Variants in PALS2 observed in about 807,000 individuals in gnomAD.
The protein encoded by PALS2 is protein PALS2.
PALS2 carries 27 observed loss-of-function variants against 61.6 expected under a neutral mutation model. The observed-to-expected ratio is 0.44, with a 90% CI of 0.32 to 0.60. The LOEUF (loss-of-function observed/expected upper bound fraction) is 0.60. Ranked by LOEUF, PALS2 falls within the 20% of genes least tolerant of loss-of-function variation. The pLI, the probability that PALS2 is intolerant of heterozygous loss-of-function variation, is 0.05. For synonymous variants in PALS2, 236 were observed against 218.6 expected (o/e 1.08, Z -0.70); for missense variants, 554 against 639.4 (o/e 0.87, Z 1.44).
intron 3 of PALS2, among the ~76,000 whole-genome samples, chr7:24,649,033 T>C (rs1028276542): frequency 1.3e-5 from 2 of 152,170 alleles, no homozygotes; most frequent in African/African-American, 4.8e-5. Flanking sequence ...ACTTGTTTTT[T>C]TGCTCAAAAA....
intron 2 of PALS2, among the ~76,000 whole-genome samples, chr7:24,634,184 C>T (rs970643413): frequency 6.6e-6 from 1 of 152,114 alleles, no homozygotes; most frequent in Non-Finnish European, 1.5e-5. Flanking sequence ...TATCTTTTTA[C>T]TTTCTTCTTA....
chr7:24,645,867 C>T (rs535909435), intron 3 of PALS2, among the ~76,000 whole-genome samples: 2 of 152,174 alleles, frequency 1.3e-5, no homozygotes, highest in South Asian at 2.1e-4. Flanking sequence ...GTAATTTATT[C>T]TTTTTGTGGC....
At chr7:24,626,620 A>G (rs1446922901) in intron 2 of PALS2, among the ~76,000 whole-genome samples, 1 of 152,202 alleles carries the variant, frequency 6.6e-6, no homozygotes, top group Non-Finnish European at 1.5e-5. Context: ...AGTCTGCTGT[A>G]TTCAGGAGAC....
At chr7:24,586,102 C>T (rs1170184469) in intron 1 of PALS2, among the ~76,000 whole-genome samples, 1 of 151,648 alleles carries the variant, frequency 6.6e-6, no homozygotes, top group Non-Finnish European at 1.5e-5. Flanking sequence ...AGGGAAGAAG[C>T]AGTTTCTTTG....
rs1245184566 is a variant in PALS2, at chr7:24,602,166, T to C, written c.-2-21500T>C. Among the ~76,000 whole-genome samples, 3 of 152,278 alleles carry C rather than the reference T, an allele frequency of 2.0e-5. No homozygotes were observed. In the East Asian group the frequency reaches 5.8e-4, roughly 29 times the overall value. ...TCCATGATTTCCATTGAATTTTTTC[T>C]TTCTGCTTTTGTATTTTTATTTTCT... On this transcript the variant is annotated intron_variant, in intron 1 of 11. Transcript: ENST00000222644.
In PALS2 at chr7:24,673,572, C is replaced by T. The variant is rs374736439; in HGVS notation, c.1114+4912C>T. ...TTTGATTATTAGTTCAGTCTCTTTCCTTGTTATAGGTCAACTTGGATTTTT... is the reference window on the plus strand; with the variant it reads ...TTTGATTATTAGTTCAGTCTCTTTCTTTGTTATAGGTCAACTTGGATTTTT... On this transcript the variant is annotated intron_variant, in intron 9 of 11. Coordinates refer to ENST00000222644, the MANE Select transcript of PALS2 (RefSeq NM_001303037.2). 2.4e-4 allele frequency among the ~76,000 whole-genome samples: 36 copies of T among 152,124 alleles called. No individual in the cohort carries two copies. The East Asian group carries it at 6.8e-3, about 29-fold the overall frequency.
At chr7:24,607,033 G>T (rs988306816) in intron 1 of PALS2, among the ~76,000 whole-genome samples, 2 of 152,120 alleles carry the variant, frequency 1.3e-5, no homozygotes, top group Non-Finnish European at 2.9e-5. Context: ...GTGGTGTCCT[G>T]TTGGTGCGCA....
chr7:24,686,004 C>T (rs1788183827), intron 11 of PALS2, among the ~76,000 whole-genome samples: 1 of 152,132 alleles, frequency 6.6e-6, no homozygotes, highest in African/African-American at 2.4e-5. Context: ...GTCTCACAGA[C>T]ATCTTAAGCT....
intron 1 of PALS2, among the ~76,000 whole-genome samples, chr7:24,592,778 T>G (rs938304073): frequency 2.0e-5 from 3 of 152,142 alleles, no homozygotes; most frequent in African/African-American, 7.2e-5. Context: ...ATACCTTGAT[T>G]TAAAAATACT....
intron 4 of PALS2, among the ~76,000 whole-genome samples, 196 bp from the exon 5 acceptor site, chr7:24,650,289 A>G (rs1786071541): frequency 1.3e-5 from 2 of 152,282 alleles, no homozygotes; most frequent in South Asian, 4.1e-4. Context: ...TGTAAGATAC[A>G]TCCTATCCAC....
intron 2 of PALS2, among the ~76,000 whole-genome samples, chr7:24,641,195 G>C (rs982018948): frequency 6.6e-6 from 1 of 151,806 alleles, no homozygotes; most frequent in African/African-American, 2.4e-5. Flanking sequence ...GCTCTAAATT[G>C]ACTTTTTTTT....
At chr7:24,638,317 A>ATTTTTTTTTTTT (rs1562631729) in intron 2 of PALS2, among the ~76,000 whole-genome samples, 1 of 14,252 alleles carries the variant, frequency 7.0e-5, no homozygotes, top group Non-Finnish European at 1.1e-4. Flanking sequence ...CAATTTCTGT[A>ATTTTTTTTTTTT]TTTTCTTTTT....
At chr7:24,680,610 T>G in intron 11 of PALS2, 90 bp downstream of exon 11, 1 of 1,429,086 alleles carries the variant, frequency 7.0e-7, no homozygotes, top group South Asian at 1.5e-5. Context: ...ATTTATTTAT[T>G]TTTGAGGCAG....
intron 2 of PALS2, among the ~76,000 whole-genome samples, chr7:24,637,982 A>G (rs1199685645): frequency 6.6e-6 from 1 of 152,128 alleles, no homozygotes; most frequent in Non-Finnish European, 1.5e-5. Flanking sequence ...AACAAGATTT[A>G]TTTATTTAAA....
At chr7:24,681,425 A>G (rs1787922520) in intron 11 of PALS2, among the ~76,000 whole-genome samples, 1 of 152,258 alleles carries the variant, frequency 6.6e-6, no homozygotes, top group East Asian at 1.9e-4. Context: ...ATTTATATCT[A>G]AGAGATAAAG....
chr7:24,597,208 A>T (rs971839936), intron 1 of PALS2: 4 of 152,204 alleles, frequency 2.6e-5, no homozygotes, highest in African/African-American at 9.6e-5. Flanking sequence ...GCTGTAACTA[A>T]TACTTGGAAA....
intron 2 of PALS2, among the ~76,000 whole-genome samples, chr7:24,639,842 A>T (rs2128069882): frequency 9.1e-6 from 1 of 110,348 alleles, no homozygotes; most frequent in Admixed American, 1.1e-4. Flanking sequence ...TTTTTTTGAG[A>T]CGGAGTCTCT....
chr7:24,617,535 A>G (rs1316308719), intron 1 of PALS2, among the ~76,000 whole-genome samples: 5 of 152,214 alleles, frequency 3.3e-5, no homozygotes, highest in Non-Finnish European at 7.3e-5. Flanking sequence ...AGTTGTTGAA[A>G]AAACTTAGAG....
At chr7:24,676,573 C>T (rs569859099) in intron 9 of PALS2, among the ~76,000 whole-genome samples, 16 of 151,968 alleles carry the variant, frequency 1.1e-4, no homozygotes, top group Admixed American at 1.0e-3. Context: ...GGAAGGGATC[C>T]AGTTTCAGCT....
Sources: gnomAD v4.1 joint callset for allele counts (sites outside exome capture counted in the v4.1 genomes callset) on GRCh38, gnomAD v4.1.1 for gene constraint, MANE v1.5 for transcripts, NCBI Gene and HGNC (gene_info 2026-07-23, HGNC 2026-07-21) for gene names.